Variants in SLX4IP observed in about 807,000 individuals in gnomAD.
SLX4IP encodes the protein SLX4 interacting protein.
A neutral mutation model predicts 32.9 loss-of-function variants in SLX4IP; 34 were observed. The ratio of observed to expected loss-of-function variants is 1.03; its 90% CI spans 0.79 to 1.38. The LOEUF is 1.38. Among genes scored for constraint, SLX4IP ranks in the 40% most tolerant of loss-of-function variants. SLX4IP has a pLI of 0.00. For synonymous variants in SLX4IP, 172 were observed against 171.7 expected, an observed-to-expected ratio of 1.00 and a Z score of -0.01; for missense variants, 444 against 479.0, an observed-to-expected ratio of 0.93 and a Z score of 0.68.
At chr20:10,492,708 A>T (rs1371347021) in intron 2 of SLX4IP, among the ~76,000 whole-genome samples, 1 of 152,188 alleles carries the variant, frequency 6.6e-6, no homozygotes, top group African/African-American at 2.4e-5. Flanking sequence ...GCTTGAAAGT[A>T]TCTTTCCAAC....
chr20:10,620,959 C>T (rs908319511), intron 6 of SLX4IP, among the ~76,000 whole-genome samples: 1 of 152,198 alleles, frequency 6.6e-6, no homozygotes, highest in African/African-American at 2.4e-5. Flanking sequence ...GAACAGAGCT[C>T]ACAGGCACGT....
At chr20:10,550,966 T>G (rs2066212755) in intron 2 of SLX4IP, among the ~76,000 whole-genome samples, 1 of 152,186 alleles carries the variant, frequency 6.6e-6, no homozygotes, top group African/African-American at 2.4e-5. Context: ...CTAGTGCCCC[T>G]GTGAAACTCA....
intron 2 of SLX4IP, among the ~76,000 whole-genome samples, chr20:10,515,751 C>T (rs1490263887): frequency 6.6e-6 from 1 of 152,058 alleles, no homozygotes; most frequent in Admixed American, 6.5e-5. Context: ...AAAAACTTTG[C>T]TTTTAGGTGT....
At chr20:10,583,811 A>G (rs1568754433) in intron 4 of SLX4IP, among the ~76,000 whole-genome samples, 1 of 152,222 alleles carries the variant, frequency 6.6e-6, no homozygotes. Context: ...AGGTATTTAT[A>G]TTACTAGTAA....
chr20:10,543,094 T>G (rs2122480834), intron 2 of SLX4IP, among the ~76,000 whole-genome samples: 1 of 152,356 alleles, frequency 6.6e-6, no homozygotes, highest in South Asian at 2.1e-4. Flanking sequence ...TCTGTTGTTT[T>G]ATTCACTAGG....
chr20:10,542,856 C>T (rs1040031283), intron 2 of SLX4IP, among the ~76,000 whole-genome samples: 1 of 152,162 alleles, frequency 6.6e-6, no homozygotes, highest in African/African-American at 2.4e-5. Flanking sequence ...GTTTTTGCTA[C>T]CCCAGATATG....
At chr20:10,610,996 C>T (rs1312056554) in intron 6 of SLX4IP, among the ~76,000 whole-genome samples, 2 of 152,196 alleles carry the variant, frequency 1.3e-5, no homozygotes, top group African/African-American at 2.4e-5. Flanking sequence ...GTTTGCACTG[C>T]TTTTCTGTAA....
chr20:10,591,581 T>C (rs146843592), intron 4 of SLX4IP, among the ~76,000 whole-genome samples: 3,675 of 152,326 alleles, frequency 0.024, 89 homozygotes, highest in Admixed American at 0.084. Context: ...TCTGTTTCTT[T>C]TGTGTATAGT....
chr20:10,583,292 A>G (rs1197263017), intron 4 of SLX4IP, among the ~76,000 whole-genome samples: 2 of 152,220 alleles, frequency 1.3e-5, no homozygotes, highest in Non-Finnish European at 2.9e-5. Flanking sequence ...AATGTCATCA[A>G]CTATCTAGTC....
At chr20:10,517,015 C>T (rs895893085) in intron 2 of SLX4IP, among the ~76,000 whole-genome samples, 5 of 152,214 alleles carry the variant, frequency 3.3e-5, no homozygotes, top group African/African-American at 1.2e-4. Flanking sequence ...TTAAAACCTG[C>T]TGGACTAATG....
At chr20:10,509,278 G>C (rs1236686396) in intron 2 of SLX4IP, among the ~76,000 whole-genome samples, 1 of 152,176 alleles carries the variant, frequency 6.6e-6, no homozygotes, top group Non-Finnish European at 1.5e-5. Flanking sequence ...AGATAGTGGG[G>C]AACATGGAGA....
chr20:10,481,935 A>G (rs911816991), intron 2 of SLX4IP, among the ~76,000 whole-genome samples: 2 of 152,206 alleles, frequency 1.3e-5, no homozygotes, highest in African/African-American at 4.8e-5. Context: ...AAGGCAACTC[A>G]CAACATGCGG....
At chr20:10,523,899 G>A (rs2065920161) in intron 2 of SLX4IP, among the ~76,000 whole-genome samples, 1 of 152,362 alleles carries the variant, frequency 6.6e-6, no homozygotes, top group East Asian at 1.9e-4. Flanking sequence ...TTAAGGATGT[G>A]AGACAGTAGG....
At chr20:10,452,718 G>C (rs2065253431) in intron 1 of SLX4IP, among the ~76,000 whole-genome samples, 1 of 148,372 alleles carries the variant, frequency 6.7e-6, no homozygotes, top group African/African-American at 2.5e-5. Context: ...GGGCTTGGTG[G>C]CATGAACCTA....
At chr20:10,484,299 G>T (rs1342375436) in intron 2 of SLX4IP, among the ~76,000 whole-genome samples, 1 of 152,078 alleles carries the variant, frequency 6.6e-6, no homozygotes, top group Admixed American at 6.5e-5. Context: ...GATCTTGATG[G>T]TCTTTAGGTT....
At chr20:10,522,014 A>G (rs1229919010) in intron 2 of SLX4IP, among the ~76,000 whole-genome samples, 4 of 151,868 alleles carry the variant, frequency 2.6e-5, no homozygotes, top group South Asian at 4.1e-4. Flanking sequence ...TACATTAGTC[A>G]GCATCACATA....
At chr20:10,453,382 C>T (rs1330096729) in intron 1 of SLX4IP, among the ~76,000 whole-genome samples, 1 of 151,226 alleles carries the variant, frequency 6.6e-6, no homozygotes, top group African/African-American at 2.4e-5. Context: ...TGGTCTGCAC[C>T]TGCGCTTCTC....
chr20:10,505,595 G>A (rs589905), intron 2 of SLX4IP, among the ~76,000 whole-genome samples: 85,485 of 151,878 alleles, frequency 0.56, 24,898 homozygotes, highest in South Asian at 0.72. Flanking sequence ...CTGAAGATCC[G>A]TGTTTGGTAA....
chr20:10,444,109 T>C (rs2065180804), intron 1 of SLX4IP, among the ~76,000 whole-genome samples: 1 of 148,162 alleles, frequency 6.7e-6, no homozygotes, highest in Non-Finnish European at 1.5e-5. Context: ...TGAAGAGTTT[T>C]GAATAGGGGA....
Sources: allele counts gnomAD v4.1 joint callset (sites outside exome capture counted in the v4.1 genomes callset), GRCh38; gene constraint gnomAD v4.1.1; transcripts MANE v1.5; gene names NCBI Gene and HGNC (gene_info 2026-07-23, HGNC 2026-07-21).